The following MECOM variants were observed in gnomAD, a reference collection of about 807,000 sequenced individuals.
MECOM encodes histone-lysine N-methyltransferase MECOM.
A neutral mutation model predicts 116.3 loss-of-function variants in MECOM; 13 were observed. That is an observed-to-expected ratio of 0.11 (90% confidence interval 0.07 to 0.18). MECOM has a LOEUF of 0.18. Among genes scored for constraint, MECOM ranks in the 10% least tolerant of loss-of-function variants. The pLI is 1.00. For synonymous variants in MECOM, 528 were observed against 535.2 expected (o/e 0.99, Z 0.19); for missense variants, 1,299 against 1,509.0 (o/e 0.86, Z 2.31).
chr3:169,264,784 C>A (rs6444848), intron 2 of MECOM, among the ~76,000 whole-genome samples: 67,094 of 152,016 alleles, frequency 0.44, 17,141 homozygotes, highest in African/African-American at 0.71. Context: ...AGCTTTCTAC[C>A]TAAAGAGTAA....
intron 2 of MECOM, among the ~76,000 whole-genome samples, chr3:169,273,523 G>A (rs751542182): frequency 1.1e-4 from 17 of 152,160 alleles, no homozygotes; most frequent in Non-Finnish European, 2.4e-4. Context: ...AATTATCTAA[G>A]TGGTATCAGT....
chr3:169,643,332 C>T (rs923849281), intron 1 of MECOM, among the ~76,000 whole-genome samples: 6 of 152,018 alleles, frequency 3.9e-5, no homozygotes, highest in African/African-American at 1.4e-4. Flanking sequence ...ATATGTGAAC[C>T]CCCAAATATG....
chr3:169,547,074 A>C (rs1204903346), intron 1 of MECOM, among the ~76,000 whole-genome samples: 1 of 152,196 alleles, frequency 6.6e-6, no homozygotes, highest in East Asian at 1.9e-4. Flanking sequence ...CCCCACCCAA[A>C]TCTCATGTTG....
At chr3:169,360,175 G>A (rs73879053) in intron 2 of MECOM, among the ~76,000 whole-genome samples, 359 of 150,902 alleles carry the variant, frequency 2.4e-3, no homozygotes, top group African/African-American at 7.9e-3. Context: ...TGGGCAGTTT[G>A]CCCTCCATTT....
chr3:169,395,031 C>T (rs1734813635), intron 1 of MECOM, among the ~76,000 whole-genome samples: 4 of 152,146 alleles, frequency 2.6e-5, no homozygotes, highest in Admixed American at 6.5e-5. Flanking sequence ...GCATTATATA[C>T]ATCAGGTCAA....
intron 7 of MECOM, among the ~76,000 whole-genome samples, chr3:169,117,513 G>A (rs1400912339): frequency 6.6e-6 from 1 of 152,128 alleles, no homozygotes; most frequent in Non-Finnish European, 1.5e-5. Flanking sequence ...CAGTGGTTGT[G>A]CTAACCTTCC....
At chr3:169,413,674 C>T (rs558433690) in intron 1 of MECOM, among the ~76,000 whole-genome samples, 29 of 152,154 alleles carry the variant, frequency 1.9e-4, no homozygotes, top group Admixed American at 1.4e-3. Flanking sequence ...AGTCTAAAGA[C>T]GACCTGGGAT....
At chr3:169,203,079 A>G (rs1749401123) in intron 2 of MECOM, among the ~76,000 whole-genome samples, 1 of 152,128 alleles carries the variant, frequency 6.6e-6, no homozygotes, top group African/African-American at 2.4e-5. Context: ...AGTCATTTTC[A>G]TGGTATATTG....
intron 2 of MECOM, among the ~76,000 whole-genome samples, chr3:169,370,676 T>G (rs921455880): frequency 5.3e-5 from 8 of 151,656 alleles, no homozygotes; most frequent in Non-Finnish European, 8.8e-5. Flanking sequence ...TGCAACTCAA[T>G]AGCAAAAAAC....
At chr3:169,196,646 T>A (rs1748444550) in intron 2 of MECOM, among the ~76,000 whole-genome samples, 1 of 152,016 alleles carries the variant, frequency 6.6e-6, no homozygotes. Flanking sequence ...ATGGCTATTA[T>A]TAAAAGTCAA....
chr3:169,383,112 A>G (rs1364563324), intron 1 of MECOM, among the ~76,000 whole-genome samples: 2 of 152,080 alleles, frequency 1.3e-5, no homozygotes, highest in Admixed American at 1.3e-4. Context: ...ATTGTAACAG[A>G]CTATAACACT....
chr3:169,270,882 G>T (rs983960007), intron 2 of MECOM, among the ~76,000 whole-genome samples: 5 of 152,174 alleles, frequency 3.3e-5, no homozygotes, highest in Admixed American at 3.3e-4. Context: ...TAAGAAAAGT[G>T]ATTAGCAGAG....
At chr3:169,113,488 A>T (rs907788563) in intron 8 of MECOM, among the ~76,000 whole-genome samples, 2 of 151,502 alleles carry the variant, frequency 1.3e-5, no homozygotes, top group African/African-American at 4.8e-5. Context: ...TGCTCTTTGG[A>T]TGCCACTGCT....
At position 169,178,768 on chromosome 3, in the gene MECOM, T is replaced by G. The variant is rs142560045; in HGVS notation, c.376-34936A>C. ...ATCCTAGGATATGTTACGCTAGATATCCAACATCCAATGTTTTATTGTTTT... is the reference window on the plus strand; with the variant it reads ...ATCCTAGGATATGTTACGCTAGATAGCCAACATCCAATGTTTTATTGTTTT... On this transcript the variant is annotated intron_variant, in intron 2 of 16. Transcript: ENST00000651503. Among the ~76,000 whole-genome samples, 705 of 152,340 alleles carry G rather than the reference T, an allele frequency of 4.6e-3. 5 individuals carry two copies. The highest frequency in any genetic ancestry group is 0.016 in the African/African-American group (665 of 41,578).
At chr3:169,156,328 T>C (rs1287519205) in intron 2 of MECOM, among the ~76,000 whole-genome samples, 3 of 152,202 alleles carry the variant, frequency 2.0e-5, no homozygotes, top group Admixed American at 6.5e-5. Flanking sequence ...GCCTCTCTCC[T>C]CTTCCACTGG....
chr3:169,351,398 T>G (rs1027955366), intron 2 of MECOM, among the ~76,000 whole-genome samples: 1 of 151,870 alleles, frequency 6.6e-6, no homozygotes, highest in African/African-American at 2.4e-5. Context: ...AGGTGATAAA[T>G]CTACACAGTA....
chr3:169,155,358 G>A (rs895412032), intron 2 of MECOM, among the ~76,000 whole-genome samples: 6 of 152,036 alleles, frequency 3.9e-5, no homozygotes, highest in Non-Finnish European at 8.8e-5. Context: ...ACAAATCCTG[G>A]ACAGTATCTT....
chr3:169,272,541 C>G (rs1324589135), intron 2 of MECOM, among the ~76,000 whole-genome samples: 1 of 152,090 alleles, frequency 6.6e-6, no homozygotes, highest in East Asian at 1.9e-4. Context: ...AACATAATAG[C>G]AAATGAGGAC....
At chr3:169,619,368 G>A (rs1158296128) in intron 1 of MECOM, among the ~76,000 whole-genome samples, 4 of 152,174 alleles carry the variant, frequency 2.6e-5, no homozygotes, top group Non-Finnish European at 5.9e-5. Flanking sequence ...AGGCTGGGCT[G>A]GAGAGGTGTC....
Sources: allele counts gnomAD v4.1 joint callset (sites outside exome capture counted in the v4.1 genomes callset), GRCh38; gene constraint gnomAD v4.1.1; transcripts MANE v1.5; gene names NCBI Gene and HGNC (gene_info 2026-07-23, HGNC 2026-07-21).